The following RBM5 variants were observed in gnomAD, a reference collection of about 807,000 sequenced individuals.
The protein encoded by RBM5 is RNA-binding protein 5.
A neutral mutation model predicts 124.6 loss-of-function variants in RBM5; 15 were observed. That is an observed-to-expected ratio of 0.12 (90% confidence interval 0.08 to 0.19). The LOEUF is 0.19. Ranked by LOEUF, RBM5 falls within the 10% of genes least tolerant of loss-of-function variation. The pLI is 1.00. For missense variants in RBM5, 580 were observed against 1,026.5 expected (o/e 0.57, Z 5.94); for synonymous variants, 337 against 361.2 (o/e 0.93, Z 0.76).
intron 7 of RBM5, among the ~76,000 whole-genome samples, chr3:50,103,727 T>C (rs1353624006): frequency 1.3e-5 from 2 of 152,230 alleles, no homozygotes; most frequent in Admixed American, 1.3e-4. Flanking sequence ...TGTTACTGTT[T>C]ATTGAATTCT....
intron 14 of RBM5, among the ~76,000 whole-genome samples, chr3:50,108,948 A>G (rs1456802151): frequency 6.6e-6 from 1 of 152,250 alleles, no homozygotes; most frequent in East Asian, 1.9e-4. Flanking sequence ...ACTGGTGCTC[A>G]GACATCAATC....
Position 50,118,287 on chromosome 3 carries a change from G to A in RBM5, c.2323-44G>A, listed in dbSNP as rs1163630693. 3 of 1,612,390 alleles carry A rather than the reference G, an allele frequency of 1.9e-6. No homozygotes were observed. The Admixed American group carries it at 5.0e-5, about 27-fold the overall frequency. ...AGTGGGCATGGTGAGAGGTGGAGCA[G>A]CCCATACCCTACCTCCCAGCTGACA... On this transcript the variant is annotated intron_variant, in intron 24 of 24. Coordinates refer to ENST00000347869, the MANE Select transcript of RBM5 (RefSeq NM_005778.4).
chr3:50,094,755 CTTG>C (rs1431264318), intron 4 of RBM5, among the ~76,000 whole-genome samples: 2 of 152,172 alleles, frequency 1.3e-5, no homozygotes, highest in Non-Finnish European at 2.9e-5. Context: ...GAATTTTCCA[CTTG>C]TTGTGTCATG....
At chr3:50,115,689 C>CA in intron 21 of RBM5, 82 bp downstream of exon 21, 1 of 1,462,292 alleles carries the variant, frequency 6.8e-7, no homozygotes, top group South Asian at 1.3e-5. Context: ...CTGACGGTTC[C>CA]AAAAATACCT....
intron 1 of RBM5, chr3:50,089,755 C>CG (rs2090669554): frequency 6.6e-6 from 1 of 151,956 alleles, no homozygotes; most frequent in African/African-American, 2.4e-5. Context: ...TTATTACCAA[C>CG]GGGGGGCGGG....
intron 4 of RBM5, chr3:50,094,244 C>T (rs549432113): frequency 1.3e-3 from 203 of 155,890 alleles, no homozygotes; most frequent in Non-Finnish European, 2.1e-3. Context: ...GCAAGCTCTG[C>T]CTCCCGGGTT....
At chr3:50,116,983 A>T in intron 22 of RBM5, 91 bp from the exon 23 acceptor site, 1 of 1,204,914 alleles carries the variant, frequency 8.3e-7, no homozygotes, top group Non-Finnish European at 1.2e-6. Flanking sequence ...AGATTTAAAA[A>T]TACTTGAGGG....
rs961620314 is a variant in RBM5 at position 50,090,366 on chromosome 3, C to G, written c.-53-16C>G. The G allele has an allele frequency of 5.1e-5, 80 of 1,561,020 alleles. No homozygotes were observed. In the Middle Eastern group the frequency reaches 6.7e-4, roughly 13 times the overall value. ...ATCTCTGAGATTTATAGCAATTAAT[C>G]TCTCTTGTCTCCTAGAAAAAATAAA... On this transcript the variant is annotated splice_polypyrimidine_tract_variant and intron_variant, in intron 1 of 24. Transcript: ENST00000347869.
intron 20 of RBM5, chr3:50,114,467 A>G: frequency 1.9e-6 from 1 of 518,848 alleles, no homozygotes. Flanking sequence ...TTCAATTCCT[A>G]AGCTCAGTTA....
At position 50,118,624 on chromosome 3, in the gene RBM5, A is replaced by C; in HGVS notation, c.*168A>C. On this transcript the variant is annotated 3_prime_UTR_variant, in exon 25 of 25. Transcript: ENST00000347869. The stretch of plus-strand genomic sequence containing the variant: ...CTCCCACCTTAAAGAAGTTCCCCTT[A>C]TGTGGGTTGCCTGGTGAATGGCCTT... 1 of 1,101,718 alleles carries C rather than the reference A, an allele frequency of 9.1e-7. No homozygotes were observed. The highest frequency in any genetic ancestry group is 1.3e-6 in the Non-Finnish European group (1 of 787,202). The allele number at this position is 1,101,718 out of a possible 1,614,324, so 68.2% of individuals were successfully genotyped here. A position where few individuals can be genotyped will look rare whatever the true frequency, so the allele number is the denominator to read the frequency against.
At chr3:50,114,447 T>C in intron 20 of RBM5, 196 bp downstream of exon 20, 1 of 543,798 alleles carries the variant, frequency 1.8e-6, no homozygotes, top group Non-Finnish European at 3.2e-6. Flanking sequence ...GATGGAGTGA[T>C]GAAAGAAGCT....
rs771207746 is a variant in RBM5 at position 50,113,560 on chromosome 3, A to G, written c.1617+16A>G. On this transcript the variant is annotated intron_variant, in intron 18 of 24. Coordinates refer to ENST00000347869, the MANE Select transcript of RBM5 (RefSeq NM_005778.4). ...AGCCCAGCAGGTTAGAACATGACCC[A>G]TATTTCTTTCATTGAGGTATTGGGC... 2.5e-6 allele frequency: 4 copies of G among 1,598,026 alleles called. No homozygotes were observed. Among genetic ancestry groups the G allele is most frequent in the Middle Eastern group, 1.7e-4 (1 of 5,982 alleles).
At chr3:50,101,370 C>G (rs555597741) in intron 6 of RBM5, 1 of 152,318 alleles carries the variant, frequency 6.6e-6, no homozygotes, top group Non-Finnish European at 1.5e-5. Flanking sequence ...TTGCTTGACT[C>G]ATTATCTTGC....
rs2091278684 is a variant in RBM5 at position 50,117,563 on chromosome 3, C to G, written c.2322+184C>G. On this transcript the variant is annotated intron_variant, in intron 24 of 24. Transcript: ENST00000347869. This position sits in a 1 kb window ranked among gnomAD's most constrained non-coding sequence, Gnocchi z 4.2. ...TGGGAGGCCGAGGAGGGTGGATTGC[C>G]TGAGCCCAGAAGTTTGAGACCAGCC... 5.4e-6 allele frequency: 4 copies of G among 734,528 alleles called. No homozygotes were observed. The highest frequency in any genetic ancestry group is 4.2e-4 in the Middle Eastern group (1 of 2,360). The allele number at this position is 734,528 out of a possible 1,614,324, so 45.5% of individuals were successfully genotyped here. A position where few individuals can be genotyped will look rare whatever the true frequency, so the allele number is the denominator to read the frequency against.
chr3:50,111,916 G>A (rs1234424167), intron 17 of RBM5: 2 of 152,106 alleles, frequency 1.3e-5, no homozygotes, highest in Admixed American at 1.3e-4. Context: ...TTTTTAACAG[G>A]AACTTGGCAT....
chr3:50,092,617 T>G (rs1018354971), intron 3 of RBM5: 4 of 342,622 alleles, frequency 1.2e-5, no homozygotes, highest in African/African-American at 2.2e-5. Context: ...GGGATCACCA[T>G]GTACTTTTGA....
At chr3:50,101,982 C>T (rs945168468) in intron 6 of RBM5, 2 of 152,200 alleles carry the variant, frequency 1.3e-5, no homozygotes, top group Non-Finnish European at 2.9e-5. Flanking sequence ...CCTGGCCAGA[C>T]ATGCAGTCTT....
At chr3:50,106,110 G>A (rs1485547541) in intron 10 of RBM5, among the ~76,000 whole-genome samples, 3 of 122,456 alleles carry the variant, frequency 2.4e-5, no homozygotes, top group Non-Finnish European at 4.9e-5. Flanking sequence ...CCGCCACCAC[G>A]CCCAGCTATT....
intron 9 of RBM5, 43 bp downstream of exon 9, chr3:50,105,185 A>G (rs371924951): frequency 3.4e-6 from 5 of 1,480,670 alleles, no homozygotes; most frequent in African/African-American, 2.8e-5. Context: ...TTAAAAATTG[A>G]CCTCAGTTGT....
Sources: allele counts gnomAD v4.1 joint callset (sites outside exome capture counted in the v4.1 genomes callset), GRCh38; gene constraint gnomAD v4.1.1; non-coding constraint Gnocchi (gnomAD v3.1); transcripts MANE v1.5; gene names NCBI Gene and HGNC (gene_info 2026-07-23, HGNC 2026-07-21).